Variants in DPYSL3 observed in about 807,000 individuals in gnomAD.
DPYSL3 encodes dihydropyrimidinase-related protein 3.
DPYSL3 carries 16 observed loss-of-function variants against 66.1 expected under a neutral mutation model. The ratio of observed to expected loss-of-function variants is 0.24; its 90% CI spans 0.16 to 0.37. The LOEUF (loss-of-function observed/expected upper bound fraction) is 0.37. DPYSL3 is among the 10% of genes least tolerant of loss of function. DPYSL3 has a pLI of 1.00. For synonymous variants in DPYSL3, 338 were observed against 345.1 expected, an observed-to-expected ratio of 0.98 and a Z score of 0.23; for missense variants, 738 against 916.2, an observed-to-expected ratio of 0.81 and a Z score of 2.51.
chr5:147,399,335 C>G, intron 10 of DPYSL3, 83 bp from the exon 11 acceptor site: 1 of 1,448,146 alleles, frequency 6.9e-7, no homozygotes, highest in Non-Finnish European at 9.2e-7. Flanking sequence ...GAAAGACAAC[C>G]CACAAAGGCA....
Position 147,509,827 on chromosome 5 carries a change from G to T in DPYSL3, c.32C>A (p.Ser11Tyr). 1 of 1,535,582 alleles carries T rather than the reference G, an allele frequency of 6.5e-7. No individual in the cohort carries two copies. The highest frequency in any genetic ancestry group is 8.7e-7 in the Non-Finnish European group (1 of 1,146,572). Reference protein sequence around the residue: MASGRRGWDSSHEDDLPVYLA... With the variant: MASGRRGWDSYHEDDLPVYLA... ...GTACACGGGCAGATCGTCTTCGTGG[G>T]AGCTGTCCCAGCCCCTCCGGCCCGA... Residue 11 changes from serine (S) to tyrosine (Y), a missense_variant, in exon 1 of 14, where the codon TCC (serine) becomes TAC (tyrosine). Transcript: ENST00000343218. This position sits in a 1 kb window ranked among gnomAD's most constrained non-coding sequence, Gnocchi z 5.3.
intron 2 of DPYSL3, 149 bp from the exon 3 acceptor site, chr5:147,418,780 T>C (rs886395463): frequency 1.5e-6 from 1 of 672,420 alleles, no homozygotes; most frequent in Admixed American, 3.1e-5. Context: ...AGCTTAGCAA[T>C]CTATAAACAA....
At chr5:147,481,897 A>G (rs892622811) in intron 1 of DPYSL3, among the ~76,000 whole-genome samples, 6 of 152,222 alleles carry the variant, frequency 3.9e-5, no homozygotes, top group Non-Finnish European at 8.8e-5. Context: ...CTGTTATAGC[A>G]GCACAAAATG....
intron 6 of DPYSL3, among the ~76,000 whole-genome samples, chr5:147,412,049 C>T (rs1751865345): frequency 2.0e-5 from 3 of 152,186 alleles, no homozygotes; most frequent in Admixed American, 6.5e-5. Context: ...GAGATAACTG[C>T]TTCCTTCTTC....
rs1464940820 is a variant in DPYSL3, at chr5:147,477,559, ATCT to A, written c.381+31916_381+31918del. On this transcript the variant is annotated intron_variant, in intron 1 of 13. Coordinates refer to ENST00000343218, the MANE Select transcript of DPYSL3 (RefSeq NM_001197294.2). Reference sequence around the variant, plus strand: ...GAGAAGGAAAAATAAAAACACCTAAATCTTTTTTTTTTTTTTTTTTTTTTTTTT... The same window carrying A: ...GAGAAGGAAAAATAAAAACACCTAAATTTTTTTTTTTTTTTTTTTTTTTTT... 3.7e-4 allele frequency among the ~76,000 whole-genome samples: 48 copies of A among 129,644 alleles called. 2 individuals carry two copies. In the East Asian group the frequency reaches 8.9e-3, roughly 24 times the overall value. 85.1% of individuals were successfully genotyped at this position (129,644 alleles called of 152,430 possible).
intron 1 of DPYSL3, among the ~76,000 whole-genome samples, chr5:147,469,259 T>C (rs112748343): frequency 0.017 from 2,529 of 152,326 alleles, 74 homozygotes; most frequent in African/African-American, 0.058. Context: ...TAGGTCCCCT[T>C]GCTTTCCTCT....
At chr5:147,427,271 T>G (rs961078938) in intron 1 of DPYSL3, among the ~76,000 whole-genome samples, 1 of 152,224 alleles carries the variant, frequency 6.6e-6, no homozygotes, top group Non-Finnish European at 1.5e-5. Context: ...TGTAGCTGAT[T>G]TATTTATTAC....
chr5:147,476,938 T>G (rs931519346), intron 1 of DPYSL3, among the ~76,000 whole-genome samples: 4 of 152,130 alleles, frequency 2.6e-5, no homozygotes, highest in Non-Finnish European at 4.4e-5. Context: ...TTCATCAGAT[T>G]CTTTCAGAAA....
At chr5:147,463,054 T>A (rs1448357749) in intron 1 of DPYSL3, among the ~76,000 whole-genome samples, 1 of 152,122 alleles carries the variant, frequency 6.6e-6, no homozygotes, top group Non-Finnish European at 1.5e-5. Flanking sequence ...ATGGAAGTGG[T>A]ACATCCAGGA....
At chr5:147,451,386 C>A (rs1400160885) in intron 1 of DPYSL3, among the ~76,000 whole-genome samples, 1 of 152,196 alleles carries the variant, frequency 6.6e-6, no homozygotes, top group East Asian at 1.9e-4. Flanking sequence ...GGATGGAAGC[C>A]GCACTGAAAA....
intron 1 of DPYSL3, among the ~76,000 whole-genome samples, chr5:147,480,014 C>T (rs548264480): frequency 2.0e-5 from 3 of 152,150 alleles, no homozygotes; most frequent in Non-Finnish European, 4.4e-5. Flanking sequence ...GCTCTAAGCC[C>T]AGCCTTCACC....
chr5:147,446,194 T>C (rs1273342387), intron 1 of DPYSL3, among the ~76,000 whole-genome samples: 1 of 152,108 alleles, frequency 6.6e-6, no homozygotes, highest in Admixed American at 6.5e-5. Flanking sequence ...ACCTCAAGGA[T>C]CATCTGGTTC....
intron 1 of DPYSL3, among the ~76,000 whole-genome samples, chr5:147,502,340 T>C (rs1225858312): frequency 6.6e-6 from 1 of 150,836 alleles, no homozygotes; most frequent in Non-Finnish European, 1.5e-5. Flanking sequence ...AAATACTGCA[T>C]CTCCTCACTT....
At chr5:147,494,878 CAAA>C (rs1238861897) in intron 1 of DPYSL3, among the ~76,000 whole-genome samples, 1 of 92,366 alleles carries the variant, frequency 1.1e-5, no homozygotes. Flanking sequence ...GACTCCATCT[CAAA>C]ATAATAATAA....
intron 1 of DPYSL3, among the ~76,000 whole-genome samples, chr5:147,493,638 A>C (rs1380149753): frequency 6.6e-6 from 1 of 152,198 alleles, no homozygotes; most frequent in African/African-American, 2.4e-5. Context: ...CAGATCCAGC[A>C]GACAGAAAAT....
intron 9 of DPYSL3, 125 bp from the exon 10 acceptor site, chr5:147,400,958 C>T (rs13168262): frequency 0.24 from 305,387 of 1,249,756 alleles, 38,898 homozygotes; most frequent in East Asian, 0.38. Flanking sequence ...GCCTCCTCTA[C>T]CTCTTACTAG....
intron 6 of DPYSL3, among the ~76,000 whole-genome samples, chr5:147,411,707 A>G (rs1191853017): frequency 1.3e-5 from 2 of 152,180 alleles, no homozygotes; most frequent in African/African-American, 2.4e-5. Context: ...AGGCCTAGAC[A>G]TTGTTCCTAC....
At chr5:147,483,350 C>A (rs1317667220) in intron 1 of DPYSL3, among the ~76,000 whole-genome samples, 1 of 152,130 alleles carries the variant, frequency 6.6e-6, no homozygotes, top group Non-Finnish European at 1.5e-5. Context: ...AATTGCCTGG[C>A]CAGACATGAC....
At chr5:147,483,012 T>C (rs1221943606) in intron 1 of DPYSL3, among the ~76,000 whole-genome samples, 1 of 152,154 alleles carries the variant, frequency 6.6e-6, no homozygotes, top group Non-Finnish European at 1.5e-5. Context: ...GCTCCCACGA[T>C]CCAATCGCTT....
Sources: gnomAD v4.1 joint callset for allele counts (sites outside exome capture counted in the v4.1 genomes callset) on GRCh38, gnomAD v4.1.1 for gene constraint, Gnocchi (gnomAD v3.1) non-coding constraint, MANE v1.5 for transcripts, NCBI Gene and HGNC (gene_info 2026-07-23, HGNC 2026-07-21) for gene names.